KDM4A: variants seen among roughly 807,000 people sequenced by gnomAD.
KDM4A encodes lysine demethylase 4A, also known as lysine-specific demethylase 4A.
Under a neutral mutation model 127.1 loss-of-function variants are expected in KDM4A, and 23 were observed. The ratio of observed to expected loss-of-function variants is 0.18; its 90% CI spans 0.13 to 0.26. The LOEUF (loss-of-function observed/expected upper bound fraction) is 0.26. Among genes scored for constraint, KDM4A ranks in the 10% least tolerant of loss-of-function variants. The pLI, the probability that KDM4A is intolerant of heterozygous loss-of-function variation, is 1.00. For missense variants in KDM4A, 890 were observed against 1,329.1 expected (o/e 0.67, Z 5.14); for synonymous variants, 443 against 466.5 (o/e 0.95, Z 0.65).
chr1:43,691,601 C>T (rs1252113909), intron 15 of KDM4A, 29 bp downstream of exon 15: 8 of 1,586,594 alleles, frequency 5.0e-6, no homozygotes, highest in Non-Finnish European at 6.9e-6. Context: ...TTACTGTCTT[C>T]ACCATGAGTC....
rs571260482 is a variant in KDM4A at position 43,687,682 on chromosome 1, C to T, written c.1856-1232C>T. 6.6e-5 allele frequency among the ~76,000 whole-genome samples: 10 copies of T among 152,288 alleles called. No individual in the cohort carries two copies. The South Asian group carries it at 1.9e-3, about 28-fold the overall frequency. On this transcript the variant is annotated intron_variant, in intron 12 of 21. Coordinates refer to ENST00000372396, the MANE Select transcript of KDM4A (RefSeq NM_014663.3). ...CAGAATTATGGCGTTTCCTTTACTT[C>T]CCTGTTTCTGTTTCCTTGTTTCTGC... is the stretch of plus-strand genomic sequence containing the variant.
chr1:43,668,580 G>T (rs1192916140), intron 9 of KDM4A, among the ~76,000 whole-genome samples: 1 of 152,108 alleles, frequency 6.6e-6, no homozygotes, highest in Non-Finnish European at 1.5e-5. Flanking sequence ...TTATATGAGG[G>T]TCGGGGGCAT....
At position 43,653,264 on chromosome 1, in the gene KDM4A, A is replaced by T; in HGVS notation, c.89A>T (p.Tyr30Phe). 1 of 1,613,816 alleles carries T rather than the reference A, an allele frequency of 6.2e-7. No individual in the cohort carries two copies. Residue 30 changes from tyrosine (Y) to phenylalanine (F), a missense_variant, in exon 2 of 22, where the codon TAC (tyrosine) becomes TTC (phenylalanine). By Grantham distance (22) the Tyr-to-Phe change is conservative. Transcript: ENST00000372396. Reference sequence around the variant, plus strand: ...GAAGAGTTCCGAAACTTCAGTAGATACATTGCCTACATTGAATCCCAAGGA... The same window carrying T: ...GAAGAGTTCCGAAACTTCAGTAGATTCATTGCCTACATTGAATCCCAAGGA... ...TMEEFRNFSR[Y>F]IAYIESQGAH...
intron 19 of KDM4A, among the ~76,000 whole-genome samples, chr1:43,700,977 C>T (rs1467814600): frequency 4.7e-5 from 7 of 150,390 alleles, no homozygotes; most frequent in African/African-American, 1.7e-4. Flanking sequence ...GGCTGGAGTG[C>T]AGTGGTGCGT....
intron 13 of KDM4A, among the ~76,000 whole-genome samples, chr1:43,690,186 C>A (rs1372421491): frequency 6.6e-6 from 1 of 152,226 alleles, no homozygotes; most frequent in African/African-American, 2.4e-5. Context: ...GTTCAGGTGA[C>A]CTGCTGACAG....
chr1:43,678,672 C>T lies in KDM4A; in HGVS notation c.1735-5012C>T, dbSNP rs1415088918. ...GTGCGATCTCAGCTCACCACAGCCT[C>T]GACCTCCCAGGCTTAACTGATTCTC... On this transcript the variant is annotated intron_variant, in intron 11 of 21. Coordinates refer to ENST00000372396, the MANE Select transcript of KDM4A (RefSeq NM_014663.3). Among the ~76,000 whole-genome samples the T allele has an allele frequency of 2.0e-5, 3 of 151,164 alleles. No individual in the cohort carries two copies. In the East Asian group the frequency reaches 5.8e-4, roughly 29 times the overall value.
In KDM4A at chr1:43,666,507, C is replaced by G; in HGVS notation, c.729C>G (p.Thr243=). ...SCEAFLRHKM[T]LISPLMLKKY... Reference sequence around the variant, plus strand: ...AGGCATTTCTCCGCCACAAGATGACCCTGATTTCCCCGTTAATGCTGAAGA... The same window carrying G: ...AGGCATTTCTCCGCCACAAGATGACGCTGATTTCCCCGTTAATGCTGAAGA... Residue 243 remains threonine (T), a synonymous_variant, in exon 7 of 22, where the codon ACC becomes ACG. Transcript: ENST00000372396. 1 of 1,614,148 alleles carries G rather than the reference C, an allele frequency of 6.2e-7. No homozygotes were observed. The highest frequency in any genetic ancestry group is 1.7e-5 in the Admixed American group (1 of 60,016).
intron 18 of KDM4A, 36 bp from the exon 19 acceptor site, chr1:43,697,807 C>T: frequency 6.3e-7 from 1 of 1,597,590 alleles, no homozygotes; most frequent in Non-Finnish European, 8.5e-7. Context: ...CTGCAAACTC[C>T]ACGTGTGAGT....
At chr1:43,660,892 G>T (rs960655489) in intron 4 of KDM4A, among the ~76,000 whole-genome samples, 19 of 152,166 alleles carry the variant, frequency 1.2e-4, no homozygotes, top group African/African-American at 4.6e-4. Flanking sequence ...ATGGTGAAAG[G>T]GGAGAATATT....
At chr1:43,697,712 T>G in intron 18 of KDM4A, 131 bp from the exon 19 acceptor site, 1 of 869,718 alleles carries the variant, frequency 1.1e-6, no homozygotes. Context: ...CTCCCATCTC[T>G]TCTCTCCTTT....
At chr1:43,668,515 C>T (rs1283580553) in intron 9 of KDM4A, among the ~76,000 whole-genome samples, 1 of 152,184 alleles carries the variant, frequency 6.6e-6, no homozygotes, top group Admixed American at 6.5e-5. Flanking sequence ...CATTCAGGCA[C>T]TTTCTGAATG....
chr1:43,661,608 C>CAAAAAAAAAAAA (rs34131801), intron 4 of KDM4A, among the ~76,000 whole-genome samples: 1 of 40,852 alleles, frequency 2.4e-5, no homozygotes, highest in Non-Finnish European at 3.8e-5. Context: ...GACTCTGTCT[C>CAAAAAAAAAAAA]AAAAAAAAAA....
intron 4 of KDM4A, among the ~76,000 whole-genome samples, chr1:43,662,353 T>A (rs188185045): frequency 1.3e-5 from 2 of 151,772 alleles, no homozygotes; most frequent in Admixed American, 1.3e-4. Context: ...CTCAGGCCTG[T>A]AATCCCAGCA....
At chr1:43,654,721 G>A (rs1660197849) in intron 2 of KDM4A, among the ~76,000 whole-genome samples, 1 of 134,232 alleles carries the variant, frequency 7.4e-6, no homozygotes, top group South Asian at 2.2e-4. Context: ...GTGTGTGTGT[G>A]TGTGTGTGTG....
intron 11 of KDM4A, among the ~76,000 whole-genome samples, chr1:43,677,116 G>T (rs561785475): frequency 6.6e-6 from 1 of 152,022 alleles, no homozygotes; most frequent in Non-Finnish European, 1.5e-5. Context: ...GAGGCCGAGG[G>T]GGTGGATCAT....
At position 43,690,992 on chromosome 1, in the gene KDM4A, G is replaced by A; in HGVS notation, c.2185G>A (p.Glu729Lys). Reference sequence around the variant, plus strand: ...CAACCTTTCTACTCCTTATCTTGAGGAGGATGGCACCAGCATACTCGTTTC... The same window carrying A: ...CAACCTTTCTACTCCTTATCTTGAGAAGGATGGCACCAGCATACTCGTTTC... Reference protein sequence around the residue: ...DINLSTPYLEEDGTSILVSCK... With the variant: ...DINLSTPYLEKDGTSILVSCK... Residue 729 changes from glutamate to lysine, a missense_variant, in exon 14 of 22, where the codon GAG becomes AAG. Glu to Lys is a moderately conservative substitution (Grantham distance 56). Coordinates refer to ENST00000372396, the MANE Select transcript of KDM4A (RefSeq NM_014663.3). The A allele has an allele frequency of 1.2e-6, 2 of 1,614,214 alleles. No individual in the cohort carries two copies. The highest frequency in any genetic ancestry group is 1.7e-6 in the Non-Finnish European group (2 of 1,180,036).
chr1:43,654,775 C>T, intron 2 of KDM4A, among the ~76,000 whole-genome samples: 1 of 145,148 alleles, frequency 6.9e-6, no homozygotes, highest in African/African-American at 2.5e-5. Context: ...TAAAACAATA[C>T]TCTCTAATTA....
intron 18 of KDM4A, among the ~76,000 whole-genome samples, chr1:43,695,480 G>C (rs1258569211): frequency 6.6e-6 from 1 of 152,214 alleles, no homozygotes; most frequent in Admixed American, 6.5e-5. Context: ...CGCAGAAGAA[G>C]GATCATGAAA....
At chr1:43,691,646 G>C in intron 15 of KDM4A, 74 bp downstream of exon 15, 1 of 1,294,522 alleles carries the variant, frequency 7.7e-7, no homozygotes, top group South Asian at 1.2e-5. Flanking sequence ...ATTTCATGTT[G>C]GACTCAGTAT....
Sources: gnomAD v4.1 joint callset for allele counts (sites outside exome capture counted in the v4.1 genomes callset) on GRCh38, gnomAD v4.1.1 for gene constraint, MANE v1.5 for transcripts, NCBI Gene and HGNC (gene_info 2026-07-23, HGNC 2026-07-21) for gene names.